The following CSMD1 variants were observed in gnomAD, a reference collection of about 807,000 sequenced individuals.
CSMD1 encodes the protein CUB and Sushi multiple domains 1.
In CSMD1, 213 loss-of-function variants were observed where a neutral mutation model predicts 417.5. The ratio of observed to expected loss-of-function variants is 0.51; its 90% CI spans 0.46 to 0.57. The LOEUF is 0.57. Ranked by LOEUF, CSMD1 falls within the 20% of genes least tolerant of loss-of-function variation. The pLI is 0.00. For missense variants in CSMD1, 6,923 were observed against 4,529.7 expected (o/e 1.53, Z -15.17); for synonymous variants, 2,862 against 1,736.8 (o/e 1.65, Z -16.11).
At chr8:4,413,806 A>T (rs1796781951) in intron 3 of CSMD1, among the ~76,000 whole-genome samples, 2 of 152,148 alleles carry the variant, frequency 1.3e-5, no homozygotes, top group African/African-American at 4.8e-5. Context: ...CTAAGCCTAG[A>T]GATAACTAAG....
chr8:3,315,514 A>G (rs1805691332), intron 23 of CSMD1, among the ~76,000 whole-genome samples: 1 of 151,522 alleles, frequency 6.6e-6, no homozygotes, highest in Non-Finnish European at 1.5e-5. Context: ...TACAGATGCT[A>G]TTGTTTTCAA....
chr8:3,880,894 T>A (rs1037244136), intron 5 of CSMD1, among the ~76,000 whole-genome samples: 10 of 152,278 alleles, frequency 6.6e-5, no homozygotes, highest in Middle Eastern at 3.4e-3. Flanking sequence ...TCGTGTACCA[T>A]TGAAAGTAAA....
chr8:3,630,269 C>T (rs1317731982), intron 7 of CSMD1, among the ~76,000 whole-genome samples: 1 of 152,044 alleles, frequency 6.6e-6, no homozygotes, highest in Admixed American at 6.6e-5. Context: ...GACTCTGATG[C>T]AAAATGACAT....
chr8:3,614,769 GCA>G (rs1362291090), intron 8 of CSMD1, among the ~76,000 whole-genome samples: 1 of 152,126 alleles, frequency 6.6e-6, no homozygotes, highest in African/African-American at 2.4e-5. Flanking sequence ...TTTGTGCCAC[GCA>G]CAGTTTTAGT....
chr8:4,800,209 C>T (rs1186790400), intron 1 of CSMD1, among the ~76,000 whole-genome samples: 1 of 151,976 alleles, frequency 6.6e-6, no homozygotes, highest in Non-Finnish European at 1.5e-5. Flanking sequence ...GAAGCCAAGG[C>T]GGATGGATCA....
intron 1 of CSMD1, among the ~76,000 whole-genome samples, chr8:4,727,415 A>G (rs1809532401): frequency 1.3e-5 from 2 of 152,310 alleles, no homozygotes; most frequent in South Asian, 4.1e-4. Context: ...TGCACTACCC[A>G]TAAGTCAGTC....
At chr8:4,444,983 C>T (rs895796718) in intron 2 of CSMD1, among the ~76,000 whole-genome samples, 2 of 152,172 alleles carry the variant, frequency 1.3e-5, no homozygotes, top group East Asian at 3.9e-4. Context: ...AATGTTATTT[C>T]CCTTCTCTTG....
chr8:4,642,700 A>C (rs1257174666), intron 1 of CSMD1, among the ~76,000 whole-genome samples: 1 of 152,338 alleles, frequency 6.6e-6, no homozygotes, highest in East Asian at 1.9e-4. Flanking sequence ...ATTCGTGCAC[A>C]GCCTTTGAAG....
At chr8:3,977,588 T>C (rs1813534598) in intron 5 of CSMD1, among the ~76,000 whole-genome samples, 1 of 152,198 alleles carries the variant, frequency 6.6e-6, no homozygotes. Flanking sequence ...AAGCCCCATG[T>C]TAAATTTTAT....
chr8:3,861,243 G>C (rs116389483), intron 5 of CSMD1, among the ~76,000 whole-genome samples: 1 of 152,182 alleles, frequency 6.6e-6, no homozygotes, highest in East Asian at 1.9e-4. Context: ...GGTTTCTAAC[G>C]GAGACCAACG....
chr8:3,191,608 T>G (rs1183419755), intron 33 of CSMD1, among the ~76,000 whole-genome samples: 2 of 152,178 alleles, frequency 1.3e-5, no homozygotes, highest in Non-Finnish European at 2.9e-5. Context: ...CTTTGGATAG[T>G]GGGTACTGAC....
At chr8:4,007,790 AC>A (rs1042580105) in intron 4 of CSMD1, among the ~76,000 whole-genome samples, 1 of 152,114 alleles carries the variant, frequency 6.6e-6, no homozygotes, top group Admixed American at 6.6e-5. Context: ...TGGGACTATG[AC>A]AAAATATATT....
intron 7 of CSMD1, among the ~76,000 whole-genome samples, chr8:3,631,191 T>C (rs936716790): frequency 6.6e-6 from 1 of 152,174 alleles, no homozygotes; most frequent in East Asian, 1.9e-4. Context: ...TCCCCTTCTC[T>C]ATCTACCTGC....
At chr8:3,911,115 G>C (rs1029936603) in intron 5 of CSMD1, among the ~76,000 whole-genome samples, 1 of 152,108 alleles carries the variant, frequency 6.6e-6, no homozygotes. Flanking sequence ...TGGTTTACTG[G>C]ACAGGTTGCC....
At chr8:4,311,052 G>A (rs1251158941) in intron 3 of CSMD1, among the ~76,000 whole-genome samples, 1 of 152,184 alleles carries the variant, frequency 6.6e-6, no homozygotes, top group Non-Finnish European at 1.5e-5. Context: ...CCACTGGTGG[G>A]AGTGTAAATT....
intron 1 of CSMD1, among the ~76,000 whole-genome samples, chr8:4,869,740 T>C (rs995741264): frequency 6.6e-6 from 1 of 152,094 alleles, no homozygotes; most frequent in African/African-American, 2.4e-5. Context: ...AAACGTTCCA[T>C]GGAATAGAGC....
At chr8:4,041,239 G>C (rs1286553561) in intron 3 of CSMD1, among the ~76,000 whole-genome samples, 1 of 151,862 alleles carries the variant, frequency 6.6e-6, no homozygotes, top group Non-Finnish European at 1.5e-5. Flanking sequence ...GGATGGTCAC[G>C]ATCTCCTGAC....
Position 2,942,502 on chromosome 8 carries a change from G to A in CSMD1, c.10505C>T (p.Ser3502Leu). 6.2e-7 allele frequency: 1 copy of A among 1,613,038 alleles called. No individual in the cohort carries two copies. Among genetic ancestry groups the A allele is most frequent in the Non-Finnish European group, 8.5e-7 (1 of 1,179,456 alleles). The change falls in exon 69 of 70, where the codon TCA becomes TTA. Residue 3502 changes from serine to leucine, a missense_variant. Transcript: ENST00000635120. The stretch of plus-strand genomic sequence containing the variant: ...TTTGTAGAGGTAAAATGCAAACCCT[G>A]ATAAAATTAGAGCAAAGAAAGGAAC... ...ILVPFFALILSGFAFYLYKHR... is the reference protein window; with the variant it reads ...ILVPFFALILLGFAFYLYKHR...
At chr8:4,482,350 G>T (rs1337064132) in intron 2 of CSMD1, among the ~76,000 whole-genome samples, 1 of 152,072 alleles carries the variant, frequency 6.6e-6, no homozygotes, top group Non-Finnish European at 1.5e-5. Flanking sequence ...GCGGTATTCG[G>T]TTTTCTGTTC....
Sources: gnomAD v4.1 joint callset for allele counts (sites outside exome capture counted in the v4.1 genomes callset) on GRCh38, gnomAD v4.1.1 for gene constraint, MANE v1.5 for transcripts, NCBI Gene and HGNC (gene_info 2026-07-23, HGNC 2026-07-21) for gene names.